SLC2A1: variants seen among roughly 807,000 people sequenced by gnomAD.
SLC2A1 encodes solute carrier family 2 member 1.
SLC2A1 carries 4 observed loss-of-function variants against 46.6 expected under a neutral mutation model. The ratio of observed to expected loss-of-function variants is 0.09; its 90% confidence interval spans 0.04 to 0.20. The LOEUF is 0.20. Ranked by LOEUF, SLC2A1 falls within the 10% of genes least tolerant of loss-of-function variation. SLC2A1 has a pLI of 1.00. For missense variants in SLC2A1, 352 were observed against 667.0 expected, an observed-to-expected ratio of 0.53 and a Z score of 5.20; for synonymous variants, 253 against 270.0, an observed-to-expected ratio of 0.94 and a Z score of 0.62.
chr1:42,933,399 CA>C (rs1390237754), intron 2 of SLC2A1, among the ~76,000 whole-genome samples: 3 of 152,204 alleles, frequency 2.0e-5, no homozygotes, highest in East Asian at 3.9e-4. Context: ...TTTCGAGATC[CA>C]GGTTTCCCTG....
intron 2 of SLC2A1, among the ~76,000 whole-genome samples, chr1:42,933,378 T>C (rs992039287): frequency 4.3e-4 from 66 of 152,124 alleles, no homozygotes; most frequent in Admixed American, 4.1e-3. Context: ...CCTGGCCTTA[T>C]TGCTGAAACC....
chr1:42,954,606 C>T lies in SLC2A1; in HGVS notation c.18+4028G>A, dbSNP rs1016313061. On this transcript the variant is annotated intron_variant, in intron 1 of 9. Coordinates refer to ENST00000426263, the MANE Select transcript of SLC2A1 (RefSeq NM_006516.4). This position sits in a 1 kb window ranked among gnomAD's most constrained non-coding sequence, Gnocchi z 4.2. ...TTATCTCGGACAAATCTCTTCCCTT[C>T]TCTGGACTCAATTTCCCCATTTGTC... 1.2e-4 allele frequency among the ~76,000 whole-genome samples: 18 copies of T among 152,202 alleles called. No individual in the cohort carries two copies. Among genetic ancestry groups the T allele is most frequent in the African/African-American group, 4.3e-4 (18 of 41,444 alleles).
Position 42,927,248 on chromosome 1 carries a change from GACAC to G in SLC2A1, c.1279-11_1279-8del, listed in dbSNP as rs754641257. ...CGTAGGGACCACACAGTTGCTGAAA[GACAC>G]ACAGACACACTTGGTTGGAGTCATG... On this transcript the variant is annotated splice_polypyrimidine_tract_variant and splice_region_variant and intron_variant, in intron 9 of 9. Transcript: ENST00000426263. The surrounding 1 kb of genome is among the most constrained non-coding windows in gnomAD (Gnocchi z 5.3). 14 of 1,613,072 alleles carry G rather than the reference GACAC, an allele frequency of 8.7e-6. No homozygotes were observed. The African/African-American group carries it at 1.9e-4, about 22-fold the overall frequency.
At chr1:42,938,528 C>T (rs754845024) in intron 2 of SLC2A1, among the ~76,000 whole-genome samples, 4 of 152,154 alleles carry the variant, frequency 2.6e-5, no homozygotes, top group Non-Finnish European at 5.9e-5. Flanking sequence ...CCCTTTGGGG[C>T]CTGTTTTATG....
At chr1:42,957,891 G>A (rs1643793564) in intron 1 of SLC2A1, among the ~76,000 whole-genome samples, 2 of 152,096 alleles carry the variant, frequency 1.3e-5, no homozygotes, top group South Asian at 4.1e-4. Context: ...GCCTGGCCCC[G>A]AGGGTAAACC....
At chr1:42,956,332 C>A (rs1448938038) in intron 1 of SLC2A1, among the ~76,000 whole-genome samples, 3 of 145,884 alleles carry the variant, frequency 2.1e-5, no homozygotes, top group Non-Finnish European at 4.5e-5. Flanking sequence ...GAGGCCGAGG[C>A]GGGCAGATCA....
chr1:42,937,740 A>C (rs569089622), intron 2 of SLC2A1, among the ~76,000 whole-genome samples: 40 of 152,358 alleles, frequency 2.6e-4, no homozygotes, highest in African/African-American at 9.1e-4. Context: ...GCAAGCTATA[A>C]GTAAGCAGTA....
rs1171023838 is a variant in SLC2A1, at chr1:42,925,560, G to A, written c.*1481C>T. The A allele has an allele frequency of 6.6e-6, 1 of 152,242 alleles. No individual in the cohort carries two copies. Among genetic ancestry groups the A allele is most frequent in the East Asian group, 1.9e-4 (1 of 5,192 alleles). The allele number at this position is 152,242 out of a possible 1,614,324, so 9.4% of individuals were successfully genotyped here. On this transcript the variant is annotated 3_prime_UTR_variant, in exon 10 of 10. Transcript: ENST00000426263. ...AGATGAAGTGCTCTGGAAATTCAGGGGTGAAGGAGGAGGATGAGCTGTCTT... is the reference window on the plus strand; with the variant it reads ...AGATGAAGTGCTCTGGAAATTCAGGAGTGAAGGAGGAGGATGAGCTGTCTT...
At chr1:42,956,360 G>A (rs1340817034) in intron 1 of SLC2A1, among the ~76,000 whole-genome samples, 1 of 142,196 alleles carries the variant, frequency 7.0e-6, no homozygotes, top group African/African-American at 2.6e-5. Flanking sequence ...TCGGGAGTTC[G>A]AGACCAGCCT....
At chr1:42,947,326 G>A (rs1015471335) in intron 1 of SLC2A1, among the ~76,000 whole-genome samples, 1 of 152,110 alleles carries the variant, frequency 6.6e-6, no homozygotes, top group Admixed American at 6.5e-5. Flanking sequence ...GCACTCCCTG[G>A]GGATGAGACT....
At chr1:42,946,400 C>A (rs1242263455) in intron 1 of SLC2A1, among the ~76,000 whole-genome samples, 1 of 152,142 alleles carries the variant, frequency 6.6e-6, no homozygotes, top group Non-Finnish European at 1.5e-5. Context: ...CCAGTCCTGA[C>A]ACCAAGGAAG....
rs200819771 is a variant in SLC2A1 at position 42,927,223 on chromosome 1, C to T, written c.1297G>A (p.Val433Ile). 1.5e-5 allele frequency: 25 copies of T among 1,614,052 alleles called. No individual in the cohort carries two copies. Among genetic ancestry groups the T allele is most frequent in the African/African-American group, 2.7e-5 (2 of 75,048 alleles). ...AGGAGCACAGTGAAGATGATGAAGA[C>T]GTAGGGACCACACAGTTGCTGAAAG... Reference protein sequence around the residue: ...QYVEQLCGPYVFIIFTVLLVL... With the variant: ...QYVEQLCGPYIFIIFTVLLVL... The change falls in exon 10 of 10, where the codon GTC becomes ATC. Residue 433 changes from valine to isoleucine, a missense_variant. Val to Ile is a conservative substitution (Grantham distance 29). Coordinates refer to ENST00000426263, the MANE Select transcript of SLC2A1 (RefSeq NM_006516.4). This position sits in a 1 kb window ranked among gnomAD's most constrained non-coding sequence, Gnocchi z 5.3.
At chr1:42,953,078 C>G (rs922463641) in intron 1 of SLC2A1, among the ~76,000 whole-genome samples, 13 of 152,244 alleles carry the variant, frequency 8.5e-5, no homozygotes, top group African/African-American at 2.4e-4. Flanking sequence ...CCTCCCCACT[C>G]CCAAATGCCA....
rs1643436310 is a variant in SLC2A1 at position 42,927,209 on chromosome 1, G to A, written c.1311C>T (p.Phe437=). Residue 437 remains phenylalanine, a synonymous_variant, in exon 10 of 10, where the codon TTC becomes TTT. Coordinates refer to ENST00000426263, the MANE Select transcript of SLC2A1 (RefSeq NM_006516.4). The surrounding 1 kb of genome is among the most constrained non-coding windows in gnomAD (Gnocchi z 5.3). The part of the protein sequence containing the change: ...QLCGPYVFII[F]TVLLVLFFIF... ...TGAAGAACAGAACCAGGAGCACAGT[G>A]AAGATGATGAAGACGTAGGGACCAC... 6.2e-7 allele frequency: 1 copy of A among 1,614,144 alleles called. No individual in the cohort carries two copies. The highest frequency in any genetic ancestry group is 1.3e-5 in the African/African-American group (1 of 75,062).
At chr1:42,937,105 G>T (rs954417070) in intron 2 of SLC2A1, among the ~76,000 whole-genome samples, 2 of 152,192 alleles carry the variant, frequency 1.3e-5, no homozygotes, top group Non-Finnish European at 2.9e-5. Flanking sequence ...CTCTAAGGGC[G>T]AAGCACCCTC....
intron 2 of SLC2A1, among the ~76,000 whole-genome samples, chr1:42,938,497 T>C (rs1643565699): frequency 6.6e-6 from 1 of 152,244 alleles, no homozygotes; most frequent in Non-Finnish European, 1.5e-5. Context: ...GTATGATTAA[T>C]TAACCACTTC....
intron 1 of SLC2A1, among the ~76,000 whole-genome samples, chr1:42,943,538 G>A (rs1643619823): frequency 6.6e-6 from 1 of 152,136 alleles, no homozygotes; most frequent in Non-Finnish European, 1.5e-5. Context: ...ATTTCCTGGG[G>A]AGAGAGGGGA....
At position 42,927,597 on chromosome 1, in the gene SLC2A1, G is replaced by T; in HGVS notation, c.1278+8C>A. ...GCGGGTGAGTATAGAGACAGTGGGG[G>T]TTCTCACCTCCACATACTGGAAGCA... On this transcript the variant is annotated splice_region_variant and intron_variant, in intron 9 of 9. Coordinates refer to ENST00000426263, the MANE Select transcript of SLC2A1 (RefSeq NM_006516.4). This position sits in a 1 kb window ranked among gnomAD's most constrained non-coding sequence, Gnocchi z 5.3. 6.2e-7 allele frequency: 1 copy of T among 1,612,788 alleles called. No homozygotes were observed. The highest frequency in any genetic ancestry group is 1.3e-5 in the African/African-American group (1 of 75,008).
In SLC2A1 at chr1:42,930,603, A is replaced by C; in HGVS notation, c.516+23T>G. On this transcript the variant is annotated intron_variant, in intron 4 of 9. Coordinates refer to ENST00000426263, the MANE Select transcript of SLC2A1 (RefSeq NM_006516.4). The surrounding 1 kb of genome is among the most constrained non-coding windows in gnomAD (Gnocchi z 6.2). Reference sequence around the variant, plus strand: ...GCTGTGGGCAGGGGCCGTGCCAGGCAGGTAGATCCTGCCCCAGCTTACCTG... The same window carrying C: ...GCTGTGGGCAGGGGCCGTGCCAGGCCGGTAGATCCTGCCCCAGCTTACCTG... 1.2e-6 allele frequency: 2 copies of C among 1,612,240 alleles called. No homozygotes were observed. Among genetic ancestry groups the C allele is most frequent in the Non-Finnish European group, 1.7e-6 (2 of 1,179,322 alleles).
Sources: gnomAD v4.1 joint callset for allele counts (sites outside exome capture counted in the v4.1 genomes callset) on GRCh38, gnomAD v4.1.1 for gene constraint, Gnocchi (gnomAD v3.1) non-coding constraint, MANE v1.5 for transcripts, NCBI Gene and HGNC (gene_info 2026-07-23, HGNC 2026-07-21) for gene names.